The following NOL11 variants were observed in gnomAD, a reference collection of about 807,000 sequenced individuals.
NOL11 encodes the protein nucleolar protein 11.
A neutral mutation model predicts 93.0 loss-of-function variants in NOL11; 42 were observed. The ratio of observed to expected loss-of-function variants is 0.45; its 90% confidence interval spans 0.35 to 0.58. The LOEUF (loss-of-function observed/expected upper bound fraction) is 0.58. Among genes scored for constraint, NOL11 ranks in the 20% least tolerant of loss-of-function variants. The pLI is 0.00. For missense variants in NOL11, 775 were observed against 841.8 expected (o/e 0.92, Z 0.98); for synonymous variants, 296 against 293.7 (o/e 1.01, Z -0.08).
intron 16 of NOL11, among the ~76,000 whole-genome samples, chr17:67,743,161 G>A (rs2055270978): frequency 6.6e-6 from 1 of 152,158 alleles, no homozygotes; most frequent in African/African-American, 2.4e-5. Flanking sequence ...CTGGGAGGTT[G>A]AGGCAGGAGG....
intron 10 of NOL11, 123 bp from the exon 11 acceptor site, chr17:67,736,948 C>G: frequency 3.9e-6 from 3 of 769,662 alleles, no homozygotes; most frequent in Non-Finnish European, 6.4e-6. Context: ...GTTATATTTA[C>G]TTTTAAAAGT....
chr17:67,733,892 G>T (rs2055176957), intron 7 of NOL11, among the ~76,000 whole-genome samples: 1 of 151,922 alleles, frequency 6.6e-6, no homozygotes, highest in Admixed American at 6.6e-5. Context: ...TTGGTTTGTT[G>T]GTATTTTGAT....
At chr17:67,738,864 G>T in intron 14 of NOL11, 68 bp from the exon 15 acceptor site, 1 of 972,726 alleles carries the variant, frequency 1.0e-6, no homozygotes, top group Non-Finnish European at 1.6e-6. Context: ...CATTGACAAA[G>T]GAAGTTACTC....
chr17:67,723,005 C>CT (rs61233443), intron 5 of NOL11, among the ~76,000 whole-genome samples: 3,042 of 124,154 alleles, frequency 0.025, 61 homozygotes, highest in African/African-American at 0.066. Flanking sequence ...AATTTCAAAA[C>CT]TTTTTTTTTT....
intron 7 of NOL11, among the ~76,000 whole-genome samples, chr17:67,734,161 C>T (rs2055179738): frequency 6.6e-6 from 1 of 152,126 alleles, no homozygotes; most frequent in Non-Finnish European, 1.5e-5. Context: ...TCATAAAGCC[C>T]TCCCTTCCTC....
chr17:67,735,807 C>A, intron 8 of NOL11, 93 bp from the exon 9 acceptor site: 2 of 877,962 alleles, frequency 2.3e-6, no homozygotes, highest in Non-Finnish European at 3.3e-6. Flanking sequence ...GTTTTTAATA[C>A]TGAGCACTTA....
chr17:67,729,121 T>G (rs2055127443), intron 7 of NOL11, among the ~76,000 whole-genome samples: 1 of 151,378 alleles, frequency 6.6e-6, no homozygotes. Context: ...TGAGACAGAG[T>G]TTTAGTCTTG....
At chr17:67,718,205 G>C (rs956463814) in intron 1 of NOL11, 117 bp downstream of exon 1, 5 of 1,401,152 alleles carry the variant, frequency 3.6e-6, no homozygotes, top group East Asian at 4.7e-5. Flanking sequence ...GCTTAGCAGA[G>C]AGCCGGCTGG....
At chr17:67,720,244 C>G (rs918935203) in intron 3 of NOL11, 4 of 238,956 alleles carry the variant, frequency 1.7e-5, no homozygotes, top group African/African-American at 9.1e-5. Flanking sequence ...ACTTCTGTGC[C>G]CTTTCTTAGA....
intron 5 of NOL11, among the ~76,000 whole-genome samples, chr17:67,723,821 G>C (rs1296735864): frequency 1.3e-5 from 2 of 151,946 alleles, no homozygotes; most frequent in Non-Finnish European, 2.9e-5. Context: ...TGGGAGGATT[G>C]CTTGAGCCTG....
At position 67,736,676 on chromosome 17, in the gene NOL11, C is replaced by T. The variant is rs774082085; in HGVS notation, c.1065C>T (p.Val355=). The change falls in exon 10 of 18, where the codon GTC becomes GTT. Residue 355 remains valine (V), a synonymous_variant. Coordinates refer to ENST00000253247, the MANE Select transcript of NOL11 (RefSeq NM_015462.5). The part of the protein sequence containing the change: ...LKHSQDPGTH[V]VSHFVNWETP... ...TTTGCATTTTCTTAGGAACTCATGT[C>T]GTGTCCCATTTTGTAAACTGGGAGA... 45 of 1,607,854 alleles carry T rather than the reference C, an allele frequency of 2.8e-5. No individual in the cohort carries two copies. The highest frequency in any genetic ancestry group is 1.3e-5 in the African/African-American group (1 of 74,720).
chr17:67,735,839 A>T, intron 8 of NOL11, 61 bp from the exon 9 acceptor site: 1 of 1,398,588 alleles, frequency 7.2e-7, no homozygotes, highest in Non-Finnish European at 9.9e-7. Flanking sequence ...ATAAGGCTTT[A>T]TTGAGTCATA....
intron 7 of NOL11, among the ~76,000 whole-genome samples, chr17:67,729,987 G>A (rs2055136993): frequency 6.6e-6 from 1 of 151,980 alleles, no homozygotes; most frequent in African/African-American, 2.4e-5. Flanking sequence ...AGCTCCTCCT[G>A]CCTCAGCCTC....
intron 3 of NOL11, 58 bp downstream of exon 3, chr17:67,720,020 C>T (rs1285027365): frequency 6.9e-7 from 1 of 1,442,078 alleles, no homozygotes; most frequent in East Asian, 2.3e-5. Flanking sequence ...TAGAATCATT[C>T]ATAATAAAGT....
chr17:67,737,539 T>C lies in NOL11; in HGVS notation c.1250T>C (p.Val417Ala). ...KDSEKHIEVE[V>A]RKFLALKQTP... ...TCAGAAAAACACATTGAAGTAGAAG[T>C]ACGGAAATTTTTGGCTCTGAAGCAG... is the stretch of plus-strand genomic sequence containing the variant. Residue 417 changes from valine (V) to alanine (A), a missense_variant, in exon 12 of 18, where the codon GTA (valine) becomes GCA (alanine). By Grantham distance (64) the Val-to-Ala change is moderately conservative. This residue lies in a region of NOL11 where 416 missense variants were observed against 525.2 expected (regional missense o/e 0.79). Transcript: ENST00000253247. The C allele has an allele frequency of 1.9e-6, 3 of 1,608,004 alleles. No individual in the cohort carries two copies. The highest frequency in any genetic ancestry group is 3.3e-4 in the Middle Eastern group (2 of 6,032).
chr17:67,737,339 T>C lies in NOL11; in HGVS notation c.1219-169T>C, dbSNP rs7210523. Among the ~76,000 whole-genome samples, 658 of 152,356 alleles carry C rather than the reference T, an allele frequency of 4.3e-3. 6 individuals carry two copies. Among genetic ancestry groups the C allele is most frequent in the African/African-American group, 0.015 (615 of 41,584 alleles). On this transcript the variant is annotated intron_variant, in intron 11 of 17. Coordinates refer to ENST00000253247, the MANE Select transcript of NOL11 (RefSeq NM_015462.5). ...TCGCTGTCACCTCATGAGATTGATATGGTGTTGGTCTTATCTCTTTCTCAT... is the reference window on the plus strand; with the variant it reads ...TCGCTGTCACCTCATGAGATTGATACGGTGTTGGTCTTATCTCTTTCTCAT...
At chr17:67,730,972 G>T (rs980616684) in intron 7 of NOL11, among the ~76,000 whole-genome samples, 3 of 152,168 alleles carry the variant, frequency 2.0e-5, no homozygotes, top group Non-Finnish European at 2.9e-5. Flanking sequence ...TCTAGTGGGT[G>T]TGAAGTAGTA....
At chr17:67,726,056 G>T (rs145579784) in intron 6 of NOL11, among the ~76,000 whole-genome samples, 1 of 152,284 alleles carries the variant, frequency 6.6e-6, no homozygotes, top group African/African-American at 2.4e-5. Flanking sequence ...CTGCACTGTA[G>T]TCTTGGGCCA....
rs1272343626 is a variant in NOL11 at position 67,721,395 on chromosome 17, T to C, written c.330T>C (p.Tyr110=). The change falls in exon 4 of 18, where the codon TAT becomes TAC. Residue 110 remains tyrosine, a synonymous_variant. Transcript: ENST00000253247. Reference sequence around the variant, plus strand: ...TCTTCCAGTTGTCAGCAGAAGTATATAGGATACTTTCAGTGCAAGGGACAG... The same window carrying C: ...TCTTCCAGTTGTCAGCAGAAGTATACAGGATACTTTCAGTGCAAGGGACAG... The part of the protein sequence containing the change: ...VFKATLSAEV[Y]RILSVQGTEP... 3.1e-6 allele frequency: 5 copies of C among 1,598,228 alleles called. No individual in the cohort carries two copies. The highest frequency in any genetic ancestry group is 2.3e-5 in the South Asian group (2 of 87,374).
Sources: gnomAD v4.1 joint callset for allele counts (sites outside exome capture counted in the v4.1 genomes callset) on GRCh38, gnomAD v4.1.1 for gene constraint, gnomAD v4.1.1 regional missense constraint, MANE v1.5 for transcripts, NCBI Gene and HGNC (gene_info 2026-07-23, HGNC 2026-07-21) for gene names.